PCDHA2: variants seen among roughly 807,000 people sequenced by gnomAD.
PCDHA2 encodes protocadherin alpha-2.
Under a neutral mutation model 66.0 loss-of-function variants are expected in PCDHA2, and 58 were observed. That is an observed-to-expected ratio of 0.88 (90% CI 0.71 to 1.09). PCDHA2 has a LOEUF of 1.09. Ranked by LOEUF, PCDHA2 falls within the 50% of genes least tolerant of loss-of-function variation. PCDHA2 has a pLI of 0.00. For synonymous variants in PCDHA2, 634 were observed against 554.0 expected (o/e 1.14, Z -2.03); for missense variants, 1,267 against 1,242.3 (o/e 1.02, Z -0.30).
chr5:140,859,825 T>A (rs752840072), intron 1 of PCDHA2: 18 of 152,366 alleles, frequency 1.2e-4, no homozygotes, highest in Non-Finnish European at 2.3e-4. Context: ...AGTTTAGAAG[T>A]GTATTTGTTA....
intron 1 of PCDHA2, chr5:140,828,197 C>T (rs2150152294): frequency 1.9e-6 from 3 of 1,614,076 alleles, no homozygotes; most frequent in East Asian, 2.2e-5. Context: ...CTACTCCGTA[C>T]CCGAGGAGGC....
chr5:140,814,952 T>G (rs1463393703), intron 1 of PCDHA2: 1 of 152,224 alleles, frequency 6.6e-6, no homozygotes, highest in African/African-American at 2.4e-5. Flanking sequence ...CTTCTTTGTC[T>G]CTTATGACAC....
chr5:140,951,703 C>T (rs1000873823), intron 1 of PCDHA2, among the ~76,000 whole-genome samples: 3 of 152,110 alleles, frequency 2.0e-5, no homozygotes, highest in Non-Finnish European at 2.9e-5. Context: ...GAGCTTTGGG[C>T]GGGGACACAG....
chr5:140,883,453 C>T (rs138388360), intron 1 of PCDHA2: 46 of 1,614,168 alleles, frequency 2.8e-5, no homozygotes, highest in Non-Finnish European at 3.9e-5. Context: ...ATGTCCCCTT[C>T]AAGCTGGTGT....
At chr5:140,833,483 A>G (rs1195762911) in intron 1 of PCDHA2, among the ~76,000 whole-genome samples, 2 of 152,204 alleles carry the variant, frequency 1.3e-5, no homozygotes, top group Non-Finnish European at 2.9e-5. Flanking sequence ...AAATAATACA[A>G]ATCATATTTG....
intron 1 of PCDHA2, chr5:140,843,271 G>A: frequency 6.3e-7 from 1 of 1,596,112 alleles, no homozygotes; most frequent in East Asian, 2.2e-5. Flanking sequence ...TGCTGGTCCT[G>A]GTGAAGGATC....
chr5:140,989,552 G>A (rs975079697), intron 3 of PCDHA2, among the ~76,000 whole-genome samples: 33 of 152,180 alleles, frequency 2.2e-4, no homozygotes, highest in African/African-American at 7.7e-4. Context: ...ATTCCTTTAC[G>A]TTTTGTGGCT....
At chr5:140,842,125 T>C (rs1777718972) in intron 1 of PCDHA2, 1 of 1,613,772 alleles carries the variant, frequency 6.2e-7, no homozygotes, top group Non-Finnish European at 8.5e-7. Context: ...ATGCTTCTGA[T>C]CCGGATGAAG....
At position 140,858,707 on chromosome 5, in the gene PCDHA2, A is replaced by G. The variant is rs1234055961; in HGVS notation, c.2388+61355A>G. On this transcript the variant is annotated intron_variant, in intron 1 of 3. Transcript: ENST00000526136. The stretch of plus-strand genomic sequence containing the variant: ...TAATATTTTCCAATACAAATATGTG[A>G]TATAGGTTGCAGTTCTGACGATTTA... 2 of 547,800 alleles carry G rather than the reference A, an allele frequency of 3.7e-6. 1 individual carries two copies. Among genetic ancestry groups the G allele is most frequent in the Non-Finnish European group, 6.3e-6 (2 of 316,316 alleles). The allele number at this position is 547,800 out of a possible 1,614,324, so 33.9% of individuals were successfully genotyped here.
chr5:141,001,913 C>T (rs545106723), intron 3 of PCDHA2, among the ~76,000 whole-genome samples: 2 of 152,296 alleles, frequency 1.3e-5, no homozygotes, highest in South Asian at 2.1e-4. Flanking sequence ...AAAAAGACTG[C>T]AGTGGCTGAC....
At chr5:141,003,087 G>A (rs894210434) in intron 3 of PCDHA2, among the ~76,000 whole-genome samples, 4 of 152,198 alleles carry the variant, frequency 2.6e-5, no homozygotes, top group Non-Finnish European at 5.9e-5. Flanking sequence ...AGTTTAACAG[G>A]CCTGGCATTT....
At chr5:140,921,998 A>G (rs1247902071) in intron 1 of PCDHA2, among the ~76,000 whole-genome samples, 3 of 152,206 alleles carry the variant, frequency 2.0e-5, no homozygotes, top group African/African-American at 7.2e-5. Flanking sequence ...AGTTCAATGA[A>G]ATGATTAGTT....
intron 1 of PCDHA2, chr5:140,860,531 T>C (rs1488177116): frequency 1.3e-5 from 2 of 152,156 alleles, no homozygotes; most frequent in Non-Finnish European, 2.9e-5. Flanking sequence ...AATTCTGATT[T>C]GTAAGACAAA....
chr5:140,950,995 C>G (rs1554219713), intron 1 of PCDHA2, among the ~76,000 whole-genome samples: 1 of 151,856 alleles, frequency 6.6e-6, no homozygotes, highest in Non-Finnish European at 1.5e-5. Flanking sequence ...TCTTTTAGCT[C>G]CATTTTTCCC....
At chr5:140,800,536 A>C (rs1339631060) in intron 1 of PCDHA2, among the ~76,000 whole-genome samples, 3 of 152,186 alleles carry the variant, frequency 2.0e-5, no homozygotes, top group Admixed American at 2.0e-4. Flanking sequence ...ATAAATCTGA[A>C]AGGATCTGAT....
intron 1 of PCDHA2, among the ~76,000 whole-genome samples, chr5:140,899,650 T>C (rs1174353279): frequency 5.3e-5 from 8 of 152,192 alleles, no homozygotes; most frequent in African/African-American, 1.7e-4. Flanking sequence ...TCTTATTTGG[T>C]TGTGTCTCTG....
rs782568790 is a variant in PCDHA2 at position 140,856,315 on chromosome 5, T to C, written c.2388+58963T>C. On this transcript the variant is annotated intron_variant, in intron 1 of 3. Transcript: ENST00000526136. ...GCATTTTGTTTGTGAATTCTCGGAT[T>C]GACCGCGAGGAGCTGTGCGGGCGGA... 131 of 1,598,516 alleles carry C rather than the reference T, an allele frequency of 8.2e-5. 15 individuals are homozygous for C. The highest frequency in any genetic ancestry group is 1.9e-4 in the Admixed American group (11 of 59,298).
intron 1 of PCDHA2, among the ~76,000 whole-genome samples, chr5:140,973,646 A>C (rs1413605589): frequency 1.3e-5 from 2 of 152,216 alleles, no homozygotes; most frequent in African/African-American, 4.8e-5. Flanking sequence ...TTCTGACTGA[A>C]GAAGAAATCT....
chr5:140,826,342 C>T (rs1288222380), intron 1 of PCDHA2, among the ~76,000 whole-genome samples: 3 of 152,070 alleles, frequency 2.0e-5, no homozygotes, highest in East Asian at 1.9e-4. Context: ...AAATTGAACC[C>T]TTTGTTTGCC....
Sources: gnomAD v4.1 joint callset for allele counts (sites outside exome capture counted in the v4.1 genomes callset) on GRCh38, gnomAD v4.1.1 for gene constraint, MANE v1.5 for transcripts, NCBI Gene and HGNC (gene_info 2026-07-23, HGNC 2026-07-21) for gene names.